The following MAD1L1 variants were observed in gnomAD, a reference collection of about 807,000 sequenced individuals.
The protein encoded by MAD1L1 is mitotic arrest deficient 1 like 1.
Under a neutral mutation model 96.9 loss-of-function variants are expected in MAD1L1, and 95 were observed. The observed-to-expected ratio is 0.98, with a 90% CI of 0.83 to 1.16. The LOEUF is 1.16. Ranked by LOEUF, MAD1L1 falls within the 50% of genes most tolerant of loss-of-function variation. The pLI is 0.00. For missense variants in MAD1L1, 1,007 were observed against 954.4 expected, an observed-to-expected ratio of 1.06 and a Z score of -0.73; for synonymous variants, 473 against 396.6, an observed-to-expected ratio of 1.19 and a Z score of -2.29.
At chr7:1,819,872 C>A (rs1782035279) in intron 18 of MAD1L1, among the ~76,000 whole-genome samples, 1 of 152,096 alleles carries the variant, frequency 6.6e-6, no homozygotes, top group Non-Finnish European at 1.5e-5. Flanking sequence ...AGACCCCCTG[C>A]TGCTGAGGGT....
At chr7:1,818,408 G>C (rs1243087419) in intron 18 of MAD1L1, among the ~76,000 whole-genome samples, 1 of 151,580 alleles carries the variant, frequency 6.6e-6, no homozygotes. Context: ...TTTTAGAGAC[G>C]AGTCTCACTC....
chr7:2,015,199 A>G (rs1782481615), intron 12 of MAD1L1, among the ~76,000 whole-genome samples: 1 of 152,122 alleles, frequency 6.6e-6, no homozygotes, highest in Non-Finnish European at 1.5e-5. Context: ...GCTGCGTTCC[A>G]ATGGGACAGG....
chr7:2,151,894 C>T (rs1289067009), intron 10 of MAD1L1, among the ~76,000 whole-genome samples: 1 of 152,204 alleles, frequency 6.6e-6, no homozygotes, highest in Non-Finnish European at 1.5e-5. Context: ...GGGTCAACGC[C>T]TCATTCTGGC....
At chr7:1,920,710 G>A (rs56362945) in intron 17 of MAD1L1, among the ~76,000 whole-genome samples, 5,164 of 152,224 alleles carry the variant, frequency 0.034, 194 homozygotes, top group Admixed American at 0.099. Context: ...AGGACAGGAG[G>A]TCTTCCCAAC....
intron 10 of MAD1L1, among the ~76,000 whole-genome samples, chr7:2,168,151 G>C (rs1286122135): frequency 6.6e-6 from 1 of 152,194 alleles, no homozygotes; most frequent in African/African-American, 2.4e-5. Context: ...CAGGCGTGGT[G>C]GTGGGTGCCT....
rs75002441 is a variant in MAD1L1 at position 1,943,250 on chromosome 7, A to T, written c.1597-6353T>A. Among the ~76,000 whole-genome samples, 160 of 152,374 alleles carry T rather than the reference A, an allele frequency of 1.1e-3. 2 individuals carry two copies. In the East Asian group the frequency reaches 0.026, roughly 25 times the overall value. On this transcript the variant is annotated intron_variant, in intron 16 of 18. Coordinates refer to ENST00000265854, the MANE Select transcript of MAD1L1 (RefSeq NM_001013836.2). ...CCCAAAGCACAAAGAACAAAAGAAAATAACAGGTAATCAGACTTCATCCAA... is the reference window on the plus strand; with the variant it reads ...CCCAAAGCACAAAGAACAAAAGAAATTAACAGGTAATCAGACTTCATCCAA...
chr7:2,147,131 G>A (rs1439760419), intron 11 of MAD1L1, among the ~76,000 whole-genome samples: 1 of 152,184 alleles, frequency 6.6e-6, no homozygotes, highest in Admixed American at 6.5e-5. Flanking sequence ...CGCAGTTCAG[G>A]AGGCTCAGAC....
Position 2,074,935 on chromosome 7 carries a change from A to G in MAD1L1, c.1074-5597T>C, listed in dbSNP as rs538357048. Among the ~76,000 whole-genome samples the G allele has an allele frequency of 1.3e-5, 2 of 152,298 alleles. 1 individual carries two copies. The highest frequency in any genetic ancestry group is 2.9e-5 in the Non-Finnish European group (2 of 68,018). On this transcript the variant is annotated intron_variant, in intron 11 of 18. Coordinates refer to ENST00000265854, the MANE Select transcript of MAD1L1 (RefSeq NM_001013836.2). ...CTTCCAATGGGCAGCTGGCGTGCTC[A>G]TTCGTGGTCAGCCCAGTGGGCCCGA...
At chr7:1,900,925 G>A (rs145129796) in intron 17 of MAD1L1, among the ~76,000 whole-genome samples, 116 of 152,266 alleles carry the variant, frequency 7.6e-4, no homozygotes, top group African/African-American at 2.8e-3. Context: ...GCAGTGTGTG[G>A]GGCCCCCTCT....
At position 2,037,014 on chromosome 7, in the gene MAD1L1, C is replaced by T. The variant is rs147633108; in HGVS notation, c.1219-22372G>A. On this transcript the variant is annotated intron_variant, in intron 12 of 18. Coordinates refer to ENST00000265854, the MANE Select transcript of MAD1L1 (RefSeq NM_001013836.2). ...ACGAGCTTCCGCGTGCCCACCCACG[C>T]GCAGAAGACCTCCACCTGCCGCATG... is the stretch of plus-strand genomic sequence containing the variant. 6.0e-4 allele frequency among the ~76,000 whole-genome samples: 91 copies of T among 151,040 alleles called. 1 individual carries two copies. The East Asian group carries it at 0.011, about 18-fold the overall frequency.
intron 12 of MAD1L1, among the ~76,000 whole-genome samples, chr7:2,047,325 C>G (rs10276536): frequency 2.6e-5 from 4 of 151,998 alleles, no homozygotes; most frequent in Admixed American, 6.5e-5. Flanking sequence ...CAGACCGTGC[C>G]GATGATTGCT....
chr7:2,173,960 C>A (rs1227725089), intron 10 of MAD1L1, among the ~76,000 whole-genome samples: 1 of 152,132 alleles, frequency 6.6e-6, no homozygotes, highest in African/African-American at 2.4e-5. Flanking sequence ...CAGGCCAGCA[C>A]ACCCAGCTGC....
At chr7:2,046,950 C>T (rs1313366079) in intron 12 of MAD1L1, among the ~76,000 whole-genome samples, 2 of 152,214 alleles carry the variant, frequency 1.3e-5, no homozygotes, top group African/African-American at 2.4e-5. Flanking sequence ...CTGGGCTGAG[C>T]GCACCCACTC....
intron 3 of MAD1L1, among the ~76,000 whole-genome samples, chr7:2,227,807 C>A (rs3800938): frequency 5.3e-5 from 8 of 152,214 alleles, no homozygotes; most frequent in Non-Finnish European, 7.4e-5. Context: ...AGGGTGGGCA[C>A]CCCGCCTGCA....
At chr7:1,996,789 G>A (rs1781581068) in intron 14 of MAD1L1, among the ~76,000 whole-genome samples, 1 of 152,024 alleles carries the variant, frequency 6.6e-6, no homozygotes, top group African/African-American at 2.4e-5. Flanking sequence ...GCTGAGAGCG[G>A]CGTAATTCCC....
At chr7:2,041,430 G>C (rs1452263238) in intron 12 of MAD1L1, among the ~76,000 whole-genome samples, 3 of 152,212 alleles carry the variant, frequency 2.0e-5, no homozygotes, top group Non-Finnish European at 2.9e-5. Context: ...GCTCGTAGCA[G>C]AGTCAGCTCA....
rs921801671 is a variant in MAD1L1 at position 2,219,595 on chromosome 7, A to C, written c.472-139T>G. ...AGGGCAGGAGGCAGAGGGGCAGAGG[A>C]ATAAGGGGGCAGAGGGGCATCGGGC... On this transcript the variant is annotated intron_variant, in intron 5 of 18. Coordinates refer to ENST00000265854, the MANE Select transcript of MAD1L1 (RefSeq NM_001013836.2). 8 of 682,918 alleles carry C rather than the reference A, an allele frequency of 1.2e-5. No individual in the cohort carries two copies. In the African/African-American group the frequency reaches 1.3e-4, roughly 11 times the overall value. 42.3% of individuals were successfully genotyped at this position (682,918 alleles called of 1,614,324 possible).
chr7:2,219,990 C>T (rs979668036), intron 5 of MAD1L1, among the ~76,000 whole-genome samples: 1 of 152,282 alleles, frequency 6.6e-6, no homozygotes, highest in East Asian at 1.9e-4. Flanking sequence ...CTCCCAAAGT[C>T]CCATCAGACA....
At position 2,049,130 on chromosome 7, in the gene MAD1L1, G is replaced by A. The variant is rs191146586; in HGVS notation, c.1218+20064C>T. Among the ~76,000 whole-genome samples the A allele has an allele frequency of 4.7e-3, 722 of 152,290 alleles. 5 individuals carry two copies. The highest frequency in any genetic ancestry group is 5.0e-3 in the Non-Finnish European group (338 of 68,018). Reference sequence around the variant, plus strand: ...CATGTAATCTGTGAATCGGCTCCCCGTGCAGATGGGGTGAGGCGTGCATGC... The same window carrying A: ...CATGTAATCTGTGAATCGGCTCCCCATGCAGATGGGGTGAGGCGTGCATGC... On this transcript the variant is annotated intron_variant, in intron 12 of 18. Transcript: ENST00000265854.
Sources: gnomAD v4.1 joint callset for allele counts (sites outside exome capture counted in the v4.1 genomes callset) on GRCh38, gnomAD v4.1.1 for gene constraint, MANE v1.5 for transcripts, NCBI Gene and HGNC (gene_info 2026-07-23, HGNC 2026-07-21) for gene names.